ENOX1: variants seen among roughly 807,000 people sequenced by gnomAD.
ENOX1 encodes the protein candidate growth-related and time keeping constitutive hydroquinone (NADH) oxidase.
A neutral mutation model predicts 82.5 loss-of-function variants in ENOX1; 42 were observed. The observed-to-expected ratio is 0.51, with a 90% CI of 0.40 to 0.66. The LOEUF (loss-of-function observed/expected upper bound fraction) is 0.66, where lower values mean the gene tolerates loss of function less well. ENOX1 is among the 30% of genes least tolerant of loss of function. ENOX1 has a pLI of 0.00. For missense variants in ENOX1, 608 were observed against 811.6 expected, an observed-to-expected ratio of 0.75 and a Z score of 3.05; for synonymous variants, 271 against 282.2, an observed-to-expected ratio of 0.96 and a Z score of 0.40.
intron 11 of ENOX1, among the ~76,000 whole-genome samples, chr13:43,308,401 C>G (rs4941453): frequency 0.36 from 54,007 of 151,982 alleles, 9,730 homozygotes; most frequent in South Asian, 0.52. Flanking sequence ...TACCTCACCT[C>G]AACCCGTTTT....
At chr13:43,475,936 A>T (rs1377813393) in intron 3 of ENOX1, among the ~76,000 whole-genome samples, 2 of 152,146 alleles carry the variant, frequency 1.3e-5, no homozygotes, top group Non-Finnish European at 2.9e-5. Context: ...ATAAGGTGGG[A>T]ACCTTAAACA....
intron 2 of ENOX1, among the ~76,000 whole-genome samples, chr13:43,497,761 A>G (rs2076843092): frequency 6.6e-6 from 1 of 152,102 alleles, no homozygotes. Flanking sequence ...AATGACTAGA[A>G]GTGTTCTCCC....
chr13:43,355,635 G>C (rs1351706657), intron 8 of ENOX1, among the ~76,000 whole-genome samples: 1 of 152,156 alleles, frequency 6.6e-6, no homozygotes, highest in Non-Finnish European at 1.5e-5. Flanking sequence ...TTGAGTGACT[G>C]TACATACACT....
At chr13:43,489,386 G>A (rs79867944) in intron 2 of ENOX1, among the ~76,000 whole-genome samples, 7,521 of 152,228 alleles carry the variant, frequency 0.049, 277 homozygotes, top group Non-Finnish European at 0.073. Context: ...CCATATGGTC[G>A]TAATTCTGAG....
At chr13:43,520,374 A>G (rs1477952008) in intron 2 of ENOX1, among the ~76,000 whole-genome samples, 1 of 152,154 alleles carries the variant, frequency 6.6e-6, no homozygotes, top group East Asian at 1.9e-4. Flanking sequence ...CGGTATCTTG[A>G]TGTTTTAATT....
At chr13:43,504,005 G>T (rs923007625) in intron 2 of ENOX1, among the ~76,000 whole-genome samples, 10 of 151,480 alleles carry the variant, frequency 6.6e-5, no homozygotes, top group Non-Finnish European at 1.2e-4. Context: ...CAACTCAATA[G>T]CAAAAAAATC....
At chr13:43,248,731 CAAAGT>C (rs1291265542) in intron 14 of ENOX1, among the ~76,000 whole-genome samples, 3 of 151,786 alleles carry the variant, frequency 2.0e-5, no homozygotes, top group Admixed American at 1.3e-4. Flanking sequence ...AGAAAATATA[CAAAGT>C]AAAGATTAAA....
In ENOX1 at chr13:43,627,285, T is replaced by C. The variant is rs570035891; in HGVS notation, c.-219+40194A>G. ...TCTGCATTTAATGCAATTATTGATA[T>C]GTTAGGGCTTCAGTCTGTTATCTTT... is the stretch of plus-strand genomic sequence containing the variant. On this transcript the variant is annotated intron_variant, in intron 2 of 16. Transcript: ENST00000690772. 2.0e-5 allele frequency among the ~76,000 whole-genome samples: 3 copies of C among 152,178 alleles called. No homozygotes were observed. In the South Asian group the frequency reaches 6.2e-4, roughly 31 times the overall value.
intron 14 of ENOX1, among the ~76,000 whole-genome samples, chr13:43,241,683 G>A (rs190577127): frequency 9.2e-5 from 14 of 152,198 alleles, no homozygotes; most frequent in Admixed American, 6.5e-4. Flanking sequence ...TCTGTGATAC[G>A]TAGAAGGAAT....
intron 1 of ENOX1, among the ~76,000 whole-genome samples, chr13:43,680,469 A>C (rs187075322): frequency 5.3e-5 from 8 of 152,254 alleles, no homozygotes; most frequent in Admixed American, 1.3e-4. Context: ...GGGGATAAAA[A>C]ATGAAAAAAT....
chr13:43,681,005 A>C (rs565933994), intron 1 of ENOX1, among the ~76,000 whole-genome samples: 1 of 152,240 alleles, frequency 6.6e-6, no homozygotes, highest in African/African-American at 2.4e-5. Flanking sequence ...AGCAAACAGG[A>C]GGTGCATTTC....
At chr13:43,484,184 A>G in intron 2 of ENOX1, 32 bp from the exon 3 acceptor site, 4 of 982,520 alleles carry the variant, frequency 4.1e-6, no homozygotes, top group Non-Finnish European at 4.8e-6. Flanking sequence ...CCGTTAGGAT[A>G]TGTCTAAAGT....
chr13:43,253,462 T>C lies in ENOX1; in HGVS notation c.1611+11936A>G, dbSNP rs540399355. 2.0e-5 allele frequency among the ~76,000 whole-genome samples: 3 copies of C among 152,274 alleles called. No individual in the cohort carries two copies. In the East Asian group the frequency reaches 5.8e-4, roughly 29 times the overall value. ...TGCCCTTTGCAGCACTGCAGAACCA[T>C]CCTGGGAGAGCTGGAGAGTACCAGG... On this transcript the variant is annotated intron_variant, in intron 14 of 16. Coordinates refer to ENST00000690772, the MANE Select transcript of ENOX1 (RefSeq NM_001347969.2).
chr13:43,566,856 C>T, intron 2 of ENOX1, among the ~76,000 whole-genome samples: 1 of 152,014 alleles, frequency 6.6e-6, no homozygotes, highest in Non-Finnish European at 1.5e-5. Flanking sequence ...AAAGCTACCA[C>T]AAAATTTAAG....
At chr13:43,297,095 A>G (rs1233833791) in intron 12 of ENOX1, among the ~76,000 whole-genome samples, 1 of 152,240 alleles carries the variant, frequency 6.6e-6, no homozygotes, top group African/African-American at 2.4e-5. Context: ...CACTGTGAAC[A>G]TCAACCAGTT....
chr13:43,304,796 G>A (rs562416810), intron 11 of ENOX1, among the ~76,000 whole-genome samples: 2 of 152,308 alleles, frequency 1.3e-5, no homozygotes, highest in Admixed American at 6.5e-5. Flanking sequence ...GAGCTCAAGA[G>A]CCTGAGTTGC....
intron 2 of ENOX1, among the ~76,000 whole-genome samples, chr13:43,639,655 G>A (rs886623738): frequency 3.9e-5 from 6 of 152,058 alleles, no homozygotes; most frequent in African/African-American, 1.4e-4. Flanking sequence ...AAGCCAACAT[G>A]GTTTTTATGT....
chr13:43,654,819 C>G (rs1229697343), intron 2 of ENOX1, among the ~76,000 whole-genome samples: 1 of 152,136 alleles, frequency 6.6e-6, no homozygotes. Flanking sequence ...GTTCCTAAGT[C>G]TTGAGAGATG....
chr13:43,239,655 T>C (rs2042719197), intron 14 of ENOX1, among the ~76,000 whole-genome samples: 1 of 152,198 alleles, frequency 6.6e-6, no homozygotes, highest in Admixed American at 6.5e-5. Context: ...GCCTTGGGCA[T>C]GGTATAAGCT....
Sources: allele counts gnomAD v4.1 joint callset (sites outside exome capture counted in the v4.1 genomes callset), GRCh38; gene constraint gnomAD v4.1.1; transcripts MANE v1.5; gene names NCBI Gene and HGNC (gene_info 2026-07-23, HGNC 2026-07-21).